Variants in PLCH1 observed in about 807,000 individuals in gnomAD.
PLCH1 encodes phospholipase C eta 1, also known as 1-phosphatidylinositol 4,5-bisphosphate phosphodiesterase eta-1.
In PLCH1, 60 loss-of-function variants were observed where a neutral mutation model predicts 126.7. That is an observed-to-expected ratio of 0.47 (90% CI 0.38 to 0.59). The LOEUF (loss-of-function observed/expected upper bound fraction) is 0.59. PLCH1 is among the 20% of genes least tolerant of loss of function. The pLI, the probability that PLCH1 is intolerant of heterozygous loss-of-function variation, is 0.00. For synonymous variants in PLCH1, 719 were observed against 734.9 expected (o/e 0.98, Z 0.35); for missense variants, 1,723 against 2,040.0 (o/e 0.84, Z 2.99).
chr3:155,604,805 T>C (rs986995127), intron 2 of PLCH1, among the ~76,000 whole-genome samples: 5 of 152,198 alleles, frequency 3.3e-5, no homozygotes, highest in African/African-American at 1.2e-4. Flanking sequence ...AAGAATTTCC[T>C]GCTAGCCGGG....
intron 6 of PLCH1, among the ~76,000 whole-genome samples, chr3:155,575,674 A>G (rs1272819379): frequency 1.3e-5 from 2 of 152,138 alleles, no homozygotes; most frequent in Non-Finnish European, 1.5e-5. Context: ...AAATTTTTTA[A>G]GTTATTTCAT....
At chr3:155,693,727 C>A (rs949784808) in intron 2 of PLCH1, among the ~76,000 whole-genome samples, 2 of 152,042 alleles carry the variant, frequency 1.3e-5, no homozygotes, top group African/African-American at 4.8e-5. Context: ...GTCATGAGTT[C>A]GAGACCAGCC....
At chr3:155,649,480 C>T (rs963798882) in intron 2 of PLCH1, among the ~76,000 whole-genome samples, 2 of 152,202 alleles carry the variant, frequency 1.3e-5, no homozygotes, top group East Asian at 1.9e-4. Flanking sequence ...CCATGCACAA[C>T]CTATGCTACA....
intron 2 of PLCH1, among the ~76,000 whole-genome samples, chr3:155,629,861 A>C (rs936820087): frequency 6.6e-6 from 1 of 151,996 alleles, no homozygotes; most frequent in Non-Finnish European, 1.5e-5. Flanking sequence ...CACTCGCTGT[A>C]CTCGCTGTTT....
intron 21 of PLCH1, among the ~76,000 whole-genome samples, chr3:155,462,994 A>ACAGCGAACTTCTCTCAGAGG (rs1204312786): frequency 4.6e-5 from 7 of 152,188 alleles, no homozygotes; most frequent in African/African-American, 1.7e-4. Flanking sequence ...ATCCTTCCCT[A>ACAGCGAACTTCTCTCAGAGG]CAGCGAACTT....
At chr3:155,645,597 C>A (rs1189254320) in intron 2 of PLCH1, among the ~76,000 whole-genome samples, 3 of 152,168 alleles carry the variant, frequency 2.0e-5, no homozygotes, top group Non-Finnish European at 4.4e-5. Context: ...TCTTCCACCT[C>A]AGCCTCCCAA....
intron 21 of PLCH1, among the ~76,000 whole-genome samples, chr3:155,474,379 A>C (rs1441303613): frequency 1.1e-4 from 17 of 148,864 alleles, no homozygotes; most frequent in South Asian, 4.7e-4. Context: ...ACAATGAGAT[A>C]CTATCTCACA....
chr3:155,542,152 G>A (rs1007628647), intron 10 of PLCH1, among the ~76,000 whole-genome samples: 1 of 152,156 alleles, frequency 6.6e-6, no homozygotes, highest in Non-Finnish European at 1.5e-5. Context: ...GGTGACAGAC[G>A]GCACCTGGAA....
At chr3:155,465,108 C>CAA (rs150847303) in intron 21 of PLCH1, among the ~76,000 whole-genome samples, 61 of 65,730 alleles carry the variant, frequency 9.3e-4, no homozygotes, top group African/African-American at 2.3e-3. Context: ...GACTCTGTCT[C>CAA]AAAAAAAAAA....
intron 1 of PLCH1, among the ~76,000 whole-genome samples, chr3:155,728,734 G>GA (rs1245607163): frequency 6.6e-6 from 1 of 152,102 alleles, no homozygotes. Context: ...CTCATATCAG[G>GA]ATGGGCATAC....
chr3:155,631,375 A>T (rs1366773094), intron 2 of PLCH1, among the ~76,000 whole-genome samples: 1 of 152,182 alleles, frequency 6.6e-6, no homozygotes, highest in Non-Finnish European at 1.5e-5. Context: ...CACTTGAAGC[A>T]GTAGAACCTC....
intron 10 of PLCH1, among the ~76,000 whole-genome samples, chr3:155,527,684 G>A (rs978112828): frequency 4.6e-5 from 7 of 152,122 alleles, no homozygotes; most frequent in Admixed American, 1.3e-4. Context: ...GGGAGGCCGA[G>A]GGAGATTGGT....
chr3:155,581,762 T>C (rs1730707501), intron 6 of PLCH1, among the ~76,000 whole-genome samples: 2 of 151,694 alleles, frequency 1.3e-5, no homozygotes, highest in African/African-American at 4.8e-5. Context: ...TTTTTTTTTT[T>C]TGAGACGGAG....
Position 155,481,196 on chromosome 3 carries a change from T to C in PLCH1, c.4830A>G (p.Lys1610=), listed in dbSNP as rs1576779424. ...SNGAGVVLRN[K]PSAPTPAVNR... is the part of the protein sequence containing the mutation. Reference sequence around the variant, plus strand: ...TCACTGCAGGGGTGGGTGCTGAGGGTTTGTTTCTAAGAACCACTCCTGCCC... The same window carrying C: ...TCACTGCAGGGGTGGGTGCTGAGGGCTTGTTTCTAAGAACCACTCCTGCCC... The change falls in exon 23 of 23, where the codon AAA becomes AAG. Residue 1610 remains lysine, a synonymous_variant. Transcript: ENST00000460012. This position sits in a 1 kb window ranked among gnomAD's most constrained non-coding sequence, Gnocchi z 4.2. The C allele has an allele frequency of 6.2e-7, 1 of 1,614,018 alleles. No homozygotes were observed. The highest frequency in any genetic ancestry group is 2.2e-5 in the East Asian group (1 of 44,874).
chr3:155,525,520 T>C (rs570098095), intron 10 of PLCH1, among the ~76,000 whole-genome samples: 25 of 152,328 alleles, frequency 1.6e-4, no homozygotes, highest in African/African-American at 5.8e-4. Context: ...GTGGTTTTGT[T>C]ATAGCAGCTC....
At chr3:155,659,583 C>T (rs1202293886) in intron 2 of PLCH1, among the ~76,000 whole-genome samples, 1 of 151,840 alleles carries the variant, frequency 6.6e-6, no homozygotes, top group Non-Finnish European at 1.5e-5. Flanking sequence ...CACTGCAACT[C>T]CACCTCCCAG....
rs1742522895 is a variant in PLCH1, at chr3:155,664,514, T to C, written c.79+39632A>G. On this transcript the variant is annotated intron_variant, in intron 2 of 22. Coordinates refer to ENST00000460012, the MANE Select transcript of PLCH1 (RefSeq NM_014996.4). ...CATACAGCCTCTGTGGCAATCACTT[T>C]TGCATGCAGAGCAAAAGCAGCGTTA... is the stretch of plus-strand genomic sequence containing the variant. 2.0e-5 allele frequency among the ~76,000 whole-genome samples: 3 copies of C among 152,232 alleles called. No individual in the cohort carries two copies. In the South Asian group the frequency reaches 6.2e-4, roughly 32 times the overall value.
intron 21 of PLCH1, among the ~76,000 whole-genome samples, chr3:155,469,285 T>G (rs931306996): frequency 6.6e-6 from 1 of 151,858 alleles, no homozygotes; most frequent in African/African-American, 2.4e-5. Context: ...GGTCAGGGAG[T>G]GCCCTTTCCG....
At chr3:155,455,068 T>C (rs1712407364) in intron 21 of PLCH1, among the ~76,000 whole-genome samples, 1 of 152,208 alleles carries the variant, frequency 6.6e-6, no homozygotes. Context: ...TCCTGAGAGA[T>C]GAAGTTTCTA....
Sources: allele counts gnomAD v4.1 joint callset (sites outside exome capture counted in the v4.1 genomes callset), GRCh38; gene constraint gnomAD v4.1.1; non-coding constraint Gnocchi (gnomAD v3.1); transcripts MANE v1.5; gene names NCBI Gene and HGNC (gene_info 2026-07-23, HGNC 2026-07-21).